CPT1A: variants seen among roughly 807,000 people sequenced by gnomAD.
CPT1A encodes carnitine O-palmitoyltransferase 1, liver isoform.
CPT1A carries 64 observed loss-of-function variants against 100.8 expected under a neutral mutation model. That is an observed-to-expected ratio of 0.63 (90% CI 0.52 to 0.78). CPT1A has a LOEUF of 0.78. Among genes scored for constraint, CPT1A ranks in the 30% least tolerant of loss-of-function variants. The pLI is 0.00. For missense variants in CPT1A, 802 were observed against 1,034.1 expected (o/e 0.78, Z 3.08); for synonymous variants, 363 against 396.0 (o/e 0.92, Z 0.99).
At chr11:68,797,713 C>T (rs1434185830) in intron 6 of CPT1A, among the ~76,000 whole-genome samples, 1 of 152,222 alleles carries the variant, frequency 6.6e-6, no homozygotes, top group Non-Finnish European at 1.5e-5. Context: ...AGCGGTGGCT[C>T]ACGCCTGTCA....
At position 68,817,221 on chromosome 11, in the gene CPT1A, G is replaced by C. The variant is rs1419495308; in HGVS notation, c.-13-1734C>G. Reference sequence around the variant, plus strand: ...GTTCTCACCACAGGATGATTTTCCTGTTTTCGCCCACTGATGCCCTCTGAA... The same window carrying C: ...GTTCTCACCACAGGATGATTTTCCTCTTTTCGCCCACTGATGCCCTCTGAA... On this transcript the variant is annotated intron_variant, in intron 1 of 18. Coordinates refer to ENST00000265641, the MANE Select transcript of CPT1A (RefSeq NM_001876.4). 4.6e-5 allele frequency among the ~76,000 whole-genome samples: 7 copies of C among 151,682 alleles called. No individual in the cohort carries two copies. In the East Asian group the frequency reaches 1.3e-3, roughly 29 times the overall value.
chr11:68,773,218 G>T (rs1250677682), intron 14 of CPT1A, 47 bp downstream of exon 14: 1 of 1,611,062 alleles, frequency 6.2e-7, no homozygotes, highest in Admixed American at 1.7e-5. Context: ...GCAGGTGTAG[G>T]AACCCCCAAA....
chr11:68,774,322 G>T (rs910512787), intron 13 of CPT1A, among the ~76,000 whole-genome samples: 1 of 152,168 alleles, frequency 6.6e-6, no homozygotes, highest in Non-Finnish European at 1.5e-5. Context: ...ACATGGGTAG[G>T]GGACGGGGGC....
rs536970298 is a variant in CPT1A at position 68,820,251 on chromosome 11, C to T, written c.-13-4764G>A. 9.2e-5 allele frequency among the ~76,000 whole-genome samples: 14 copies of T among 152,018 alleles called. No homozygotes were observed. The South Asian group carries it at 1.9e-3, about 20-fold the overall frequency. On this transcript the variant is annotated intron_variant, in intron 1 of 18. Transcript: ENST00000265641. The stretch of plus-strand genomic sequence containing the variant: ...TTCACCACCTTGCCCAGACTGGTCT[C>T]GAACTCCTGGACTCAAGTGATCCAC...
chr11:68,771,683 G>A (rs1021067191), intron 14 of CPT1A, among the ~76,000 whole-genome samples: 4 of 152,192 alleles, frequency 2.6e-5, no homozygotes, highest in East Asian at 1.9e-4. Context: ...TTTTAAATAC[G>A]ATTTTGGCCC....
intron 6 of CPT1A, among the ~76,000 whole-genome samples, chr11:68,798,918 T>C (rs572642508): frequency 2.0e-5 from 3 of 152,236 alleles, no homozygotes; most frequent in Admixed American, 1.3e-4. Context: ...TCCCAGCACT[T>C]TGGGAGGCCG....
chr11:68,768,310 C>A (rs975398027), intron 14 of CPT1A, among the ~76,000 whole-genome samples: 3 of 151,996 alleles, frequency 2.0e-5, no homozygotes, highest in Non-Finnish European at 4.4e-5. Flanking sequence ...CTTCTGACCT[C>A]ATGATCCGCC....
At chr11:68,812,716 C>G in intron 2 of CPT1A, 140 bp from the exon 3 acceptor site, 1 of 898,370 alleles carries the variant, frequency 1.1e-6, no homozygotes, top group Non-Finnish European at 1.8e-6. Context: ...CACTGAGAAA[C>G]CACACCCCAC....
At position 68,784,978 on chromosome 11, in the gene CPT1A, T is replaced by A; in HGVS notation, c.1000A>T (p.Ile334Phe). ...TAGCGTCCTCGATGGTACACGACGA[T>A]GTGCTTGCTGTCTCTCATGTGCTGG... ...TIQHMRDSKH[I>F]VVYHRGRYFK... The change falls in exon 10 of 19, where the codon ATC (isoleucine) becomes TTC (phenylalanine). Residue 334 changes from isoleucine to phenylalanine, a missense_variant. Around this residue, in one of 4 missense-constraint regions of CPT1A, gnomAD observed 627 missense variants for 799.3 expected, o/e 0.78. Transcript: ENST00000265641. 2 of 1,613,980 alleles carry A rather than the reference T, an allele frequency of 1.2e-6. No homozygotes were observed. The highest frequency in any genetic ancestry group is 1.7e-6 in the Non-Finnish European group (2 of 1,180,018).
At chr11:68,791,791 C>T (rs909894077) in intron 9 of CPT1A, among the ~76,000 whole-genome samples, 1 of 152,048 alleles carries the variant, frequency 6.6e-6, no homozygotes, top group African/African-American at 2.4e-5. Flanking sequence ...CCCACTTCGG[C>T]CTCCCAAAAT....
chr11:68,785,086 C>T (rs1855422342), intron 9 of CPT1A, 76 bp from the exon 10 acceptor site: 1 of 1,318,814 alleles, frequency 7.6e-7, no homozygotes, highest in South Asian at 1.2e-5. Context: ...CGTACCCTGA[C>T]TCTGCAAAGG....
intron 5 of CPT1A, among the ~76,000 whole-genome samples, chr11:68,802,896 C>CAAAAAAAAAAAAAA (rs901808584): frequency 2.2e-5 from 1 of 44,970 alleles, no homozygotes; most frequent in African/African-American, 6.1e-5. Context: ...GACCCTGTCT[C>CAAAAAAAAAAAAAA]AAAAAAAAAA....
At chr11:68,771,594 T>C (rs1015851328) in intron 14 of CPT1A, among the ~76,000 whole-genome samples, 2 of 152,188 alleles carry the variant, frequency 1.3e-5, no homozygotes, top group Admixed American at 1.3e-4. Flanking sequence ...CTGCTTCTGG[T>C]TTACGCATAG....
chr11:68,827,593 G>A (rs894276565), intron 1 of CPT1A, among the ~76,000 whole-genome samples: 2 of 151,034 alleles, frequency 1.3e-5, no homozygotes, highest in African/African-American at 4.9e-5. Flanking sequence ...TGTTGCCCAG[G>A]CTGGTCTTGA....
chr11:68,766,088 C>A (rs889418896), intron 14 of CPT1A, among the ~76,000 whole-genome samples: 3 of 151,966 alleles, frequency 2.0e-5, no homozygotes, highest in African/African-American at 7.3e-5. Context: ...CCAGGCTGGT[C>A]ACAAACTCCT....
chr11:68,798,413 C>T (rs1224417122), intron 6 of CPT1A, among the ~76,000 whole-genome samples: 1 of 152,202 alleles, frequency 6.6e-6, no homozygotes, highest in Non-Finnish European at 1.5e-5. Context: ...ACGTCTAGCG[C>T]CACCTGCTGG....
At chr11:68,798,379 C>A (rs553261178) in intron 6 of CPT1A, among the ~76,000 whole-genome samples, 1 of 152,238 alleles carries the variant, frequency 6.6e-6, no homozygotes, top group Non-Finnish European at 1.5e-5. Context: ...CCCCTCCAGG[C>A]ACTGCCCATC....
intron 5 of CPT1A, among the ~76,000 whole-genome samples, chr11:68,800,517 T>C (rs1855878127): frequency 6.7e-6 from 1 of 149,322 alleles, no homozygotes; most frequent in Admixed American, 6.7e-5. Flanking sequence ...AATACAAAAA[T>C]TAGCTGGGTG....
intron 1 of CPT1A, among the ~76,000 whole-genome samples, chr11:68,832,291 A>AT (rs1018598259): frequency 1.4e-4 from 22 of 152,238 alleles, no homozygotes; most frequent in African/African-American, 4.8e-4. Flanking sequence ...TCTACTAAAA[A>AT]TACAAAAAAT....
Sources: allele counts gnomAD v4.1 joint callset (sites outside exome capture counted in the v4.1 genomes callset), GRCh38; gene constraint gnomAD v4.1.1; regional missense constraint gnomAD v4.1.1; transcripts MANE v1.5; gene names NCBI Gene and HGNC (gene_info 2026-07-23, HGNC 2026-07-21).